SEMA3A: variants seen among roughly 807,000 people sequenced by gnomAD.
SEMA3A encodes semaphorin 3A, also known as semaphorin-3A.
A neutral mutation model predicts 97.9 loss-of-function variants in SEMA3A; 29 were observed. The observed-to-expected ratio is 0.30, with a 90% CI of 0.22 to 0.40. The LOEUF (loss-of-function observed/expected upper bound fraction) is 0.40. Ranked by LOEUF, SEMA3A falls within the 10% of genes least tolerant of loss-of-function variation. SEMA3A has a pLI of 1.00. For missense variants in SEMA3A, 763 were observed against 951.3 expected, an observed-to-expected ratio of 0.80 and a Z score of 2.60; for synonymous variants, 321 against 323.7, an observed-to-expected ratio of 0.99 and a Z score of 0.09.
At position 84,409,602 on chromosome 7, in the gene SEMA3A, G is replaced by A. The variant is rs139234401; in HGVS notation, c.-245-37702C>T. ...TGAAGTTTACTTACTTCTCTGAAACGTATTTAACCATCCATAGATACAAAA... is the reference window on the plus strand; with the variant it reads ...TGAAGTTTACTTACTTCTCTGAAACATATTTAACCATCCATAGATACAAAA... On this transcript the variant is annotated intron_variant, in intron 1 of 3. Coordinates refer to the SEMA3A transcript ENST00000424555. 2.7e-3 allele frequency among the ~76,000 whole-genome samples: 410 copies of A among 152,068 alleles called. 5 individuals are homozygous for A. Among genetic ancestry groups the A allele is most frequent in the African/African-American group, 9.4e-3 (389 of 41,534 alleles).
chr7:84,183,415 T>A (rs1028469369), intron 1 of SEMA3A, among the ~76,000 whole-genome samples: 1 of 152,102 alleles, frequency 6.6e-6, no homozygotes, highest in Non-Finnish European at 1.5e-5. Flanking sequence ...CATTCAATAA[T>A]AAGTAATAAC....
In SEMA3A at chr7:84,162,176, G is replaced by T. The variant is rs139729960; in HGVS notation, c.113-27225C>A. On this transcript the variant is annotated intron_variant, in intron 1 of 16. Transcript: ENST00000265362. ...ATATCAGTGTGCAAAAGAAGCTCTTGTATGTTTGGAATTTGTTCCAAAATG... is the reference window on the plus strand; with the variant it reads ...ATATCAGTGTGCAAAAGAAGCTCTTTTATGTTTGGAATTTGTTCCAAAATG... Among the ~76,000 whole-genome samples the T allele has an allele frequency of 1.3e-3, 203 of 152,208 alleles. 1 individual carries two copies. Among genetic ancestry groups the T allele is most frequent in the African/African-American group, 4.7e-3 (197 of 41,540 alleles).
intron 3 of SEMA3A, among the ~76,000 whole-genome samples, chr7:84,290,556 G>T (rs924699069): frequency 1.3e-5 from 2 of 151,664 alleles, no homozygotes; most frequent in Non-Finnish European, 2.9e-5. Flanking sequence ...CCTTCAAATT[G>T]TCTCCTTTCC....
At chr7:84,318,244 T>C (rs1296756677) in intron 2 of SEMA3A, among the ~76,000 whole-genome samples, 1 of 152,014 alleles carries the variant, frequency 6.6e-6, no homozygotes, top group Non-Finnish European at 1.5e-5. Flanking sequence ...GATGATAATT[T>C]TGAAACACAG....
chr7:84,389,607 C>T (rs1485446916), intron 1 of SEMA3A, among the ~76,000 whole-genome samples: 5 of 151,962 alleles, frequency 3.3e-5, no homozygotes, highest in African/African-American at 1.2e-4. Flanking sequence ...CCTAAACATA[C>T]CTGCTAAATA....
intron 4 of SEMA3A, among the ~76,000 whole-genome samples, chr7:84,104,507 C>A (rs892668774): frequency 1.3e-5 from 2 of 152,056 alleles, no homozygotes; most frequent in African/African-American, 4.8e-5. Context: ...ATGTTAATCT[C>A]ATAACTATTG....
chr7:84,215,295 C>T (rs1160101727), intron 3 of SEMA3A, among the ~76,000 whole-genome samples: 1 of 151,752 alleles, frequency 6.6e-6, no homozygotes, highest in African/African-American at 2.4e-5. Flanking sequence ...AAGCAATTCT[C>T]CTGCCTCAGC....
intron 1 of SEMA3A, among the ~76,000 whole-genome samples, chr7:84,480,655 T>C (rs1041479534): frequency 1.4e-4 from 22 of 152,300 alleles, no homozygotes; most frequent in African/African-American, 4.8e-4. Context: ...CATCTCTTTT[T>C]GAATTTTTCT....
At chr7:84,272,485 A>G (rs1039188574) in intron 3 of SEMA3A, among the ~76,000 whole-genome samples, 2 of 152,092 alleles carry the variant, frequency 1.3e-5, no homozygotes, top group Admixed American at 6.6e-5. Flanking sequence ...TTGTTTTTCT[A>G]TTCAAATATA....
At chr7:84,245,020 T>A (rs1002896664) in intron 3 of SEMA3A, among the ~76,000 whole-genome samples, 8 of 152,096 alleles carry the variant, frequency 5.3e-5, no homozygotes, top group Non-Finnish European at 7.4e-5. Flanking sequence ...TCCCTTACCA[T>A]TTTTTTCCTT....
chr7:84,182,004 T>C (rs1343089245), intron 1 of SEMA3A, among the ~76,000 whole-genome samples: 2 of 152,142 alleles, frequency 1.3e-5, no homozygotes, highest in African/African-American at 4.8e-5. Context: ...TCACCTCCTT[T>C]TCTAATGACG....
chr7:84,377,945 T>A (rs868331903), intron 1 of SEMA3A, among the ~76,000 whole-genome samples: 1 of 152,128 alleles, frequency 6.6e-6, no homozygotes, highest in South Asian at 2.1e-4. Context: ...AATATAGCCA[T>A]GTCTCCAGTA....
At chr7:84,427,891 T>A (rs1461784569) in intron 1 of SEMA3A, among the ~76,000 whole-genome samples, 1 of 151,974 alleles carries the variant, frequency 6.6e-6, no homozygotes, top group Non-Finnish European at 1.5e-5. Context: ...TATTACTACT[T>A]CCCATTGTAT....
intron 1 of SEMA3A, among the ~76,000 whole-genome samples, chr7:84,173,275 G>A (rs1797448783): frequency 6.6e-6 from 1 of 151,876 alleles, no homozygotes; most frequent in Non-Finnish European, 1.5e-5. Context: ...AAAAGTTTTG[G>A]CCAGGCGCGG....
intron 15 of SEMA3A, among the ~76,000 whole-genome samples, chr7:83,965,272 A>C (rs918508852): frequency 1.3e-5 from 2 of 151,856 alleles, no homozygotes; most frequent in African/African-American, 4.8e-5. Flanking sequence ...AAATACTTTT[A>C]GGAGGAGACC....
intron 2 of SEMA3A, among the ~76,000 whole-genome samples, chr7:84,362,323 T>G (rs2116069386): frequency 6.6e-6 from 1 of 152,144 alleles, no homozygotes; most frequent in East Asian, 1.9e-4. Context: ...ACAGTGGTGT[T>G]GAGATAACTA....
chr7:84,131,812 C>T (rs1015441897), intron 2 of SEMA3A, among the ~76,000 whole-genome samples: 27 of 150,072 alleles, frequency 1.8e-4, no homozygotes, highest in African/African-American at 4.5e-4. Context: ...ATTTATTTTG[C>T]GACAAGGTCT....
intron 7 of SEMA3A, among the ~76,000 whole-genome samples, chr7:84,012,671 G>A (rs1300127068): frequency 1.3e-5 from 2 of 152,126 alleles, no homozygotes; most frequent in African/African-American, 4.8e-5. Context: ...GAAAATATTT[G>A]AATAACCGTT....
At chr7:84,320,939 C>A (rs1416516000) in intron 2 of SEMA3A, among the ~76,000 whole-genome samples, 4 of 152,100 alleles carry the variant, frequency 2.6e-5, no homozygotes, top group Non-Finnish European at 5.9e-5. Context: ...AAATGTTTGA[C>A]TCACTGGTGT....
Sources: allele counts gnomAD v4.1 joint callset (sites outside exome capture counted in the v4.1 genomes callset), GRCh38; gene constraint gnomAD v4.1.1; transcripts MANE v1.5; gene names NCBI Gene and HGNC (gene_info 2026-07-23, HGNC 2026-07-21).